Variants in CUL2 observed in about 807,000 individuals in gnomAD.
CUL2 encodes the protein cullin 2.
In CUL2, 22 loss-of-function variants were observed where a neutral mutation model predicts 110.2. The ratio of observed to expected loss-of-function variants is 0.20; its 90% confidence interval spans 0.14 to 0.28. CUL2 has a LOEUF of 0.28. Among genes scored for constraint, CUL2 ranks in the 10% least tolerant of loss-of-function variants. The pLI is 1.00. For missense variants in CUL2, 631 were observed against 905.5 expected (o/e 0.70, Z 3.89); for synonymous variants, 279 against 293.2 (o/e 0.95, Z 0.49).
chr10:35,091,918 G>A (rs190487750), upstream of CUL2, among the ~76,000 whole-genome samples: 10 of 151,710 alleles, frequency 6.6e-5, no homozygotes, highest in Middle Eastern at 3.4e-3. Context: ...CTGAGCCACC[G>A]TGTCAGGCCC....
chr10:35,089,813 C>CT (rs2087159098), intron 1 of CUL2: 1 of 78,914 alleles, frequency 1.3e-5, no homozygotes, highest in African/African-American at 3.3e-5. Context: ...ATGAGATGCC[C>CT]CCCCCCACAC....
chr10:35,048,691 AG>A (rs2086014047), intron 6 of CUL2, among the ~76,000 whole-genome samples: 1 of 152,214 alleles, frequency 6.6e-6, no homozygotes. Context: ...TTTCCTCTCC[AG>A]CTCTCTATCT....
At position 35,025,117 on chromosome 10, in the gene CUL2, T is replaced by C. The variant is rs1315567911; in HGVS notation, c.1684+15A>G. ...GTAAATTTCATTAAGCCAGATATAA[T>C]TAAATGCATTTTACCTGTACACAGA... On this transcript the variant is annotated intron_variant, in intron 17 of 20. Coordinates refer to ENST00000374749, the MANE Select transcript of CUL2 (RefSeq NM_003591.4). 6 of 1,487,446 alleles carry C rather than the reference T, an allele frequency of 4.0e-6. No individual in the cohort carries two copies. Among genetic ancestry groups the C allele is most frequent in the Non-Finnish European group, 5.3e-6 (6 of 1,121,648 alleles). 92.1% of individuals were successfully genotyped at this position (1,487,446 alleles called of 1,614,324 possible).
intron 18 of CUL2, among the ~76,000 whole-genome samples, chr10:35,014,365 A>T (rs1318672611): frequency 1.3e-5 from 2 of 152,198 alleles, no homozygotes; most frequent in Admixed American, 6.5e-5. Flanking sequence ...GCCTTTGCTC[A>T]GGGGAAAACT....
At chr10:35,015,640 A>C (rs1162772075) in intron 18 of CUL2, among the ~76,000 whole-genome samples, 2 of 152,220 alleles carry the variant, frequency 1.3e-5, no homozygotes, top group Non-Finnish European at 2.9e-5. Context: ...AAATCTTGTA[A>C]CTAGAAAAAA....
At chr10:35,012,598 A>G (rs562438963) in intron 19 of CUL2, among the ~76,000 whole-genome samples, 13 of 152,338 alleles carry the variant, frequency 8.5e-5, no homozygotes, top group African/African-American at 3.1e-4. Context: ...ACCATGCCAC[A>G]TTAAGAGGAT....
intron 4 of CUL2, among the ~76,000 whole-genome samples, chr10:35,058,072 G>A (rs550389989): frequency 9.2e-5 from 14 of 152,172 alleles, no homozygotes; most frequent in East Asian, 1.9e-4. Flanking sequence ...CACTCCAGCC[G>A]GGGAAACAGC....
In CUL2 at chr10:35,016,232, G is replaced by A; in HGVS notation, c.1847C>T (p.Ser616Leu). 6.2e-7 allele frequency: 1 copy of A among 1,613,950 alleles called. No homozygotes were observed. The highest frequency in any genetic ancestry group is 1.7e-5 in the Admixed American group (1 of 60,016). Residue 616 changes from serine to leucine, a missense_variant, in exon 18 of 21, where the codon TCA (serine) becomes TTA (leucine). Physicochemically the swap from Ser to Leu is moderately radical, Grantham distance 145. This residue lies in a region of CUL2 where 159 missense variants were observed against 202.7 expected (regional missense o/e 0.78). Transcript: ENST00000374749. The part of the protein sequence containing the change: ...NEKELTKTIK[S>L]LLDVKMINHD... Reference sequence around the variant, plus strand: ...GTTAATCATTTTCACATCAAGTAATGATTTGATTGTTTTTGTCAGTTCCTT... The same window carrying A: ...GTTAATCATTTTCACATCAAGTAATAATTTGATTGTTTTTGTCAGTTCCTT...
intron 4 of CUL2, among the ~76,000 whole-genome samples, chr10:35,055,749 TC>T (rs2086226461): frequency 1.3e-5 from 2 of 150,822 alleles, no homozygotes; most frequent in South Asian, 4.3e-4. Flanking sequence ...CTCTTTTTTT[TC>T]CCCTTTAAAA....
intron 14 of CUL2, among the ~76,000 whole-genome samples, chr10:35,029,883 T>A (rs1564705554): frequency 6.6e-6 from 1 of 152,170 alleles, no homozygotes; most frequent in Non-Finnish European, 1.5e-5. Context: ...ACAATAAATC[T>A]CCCCTTAAAC....
At chr10:35,047,525 G>A (rs1428469119) in intron 6 of CUL2, among the ~76,000 whole-genome samples, 6 of 150,600 alleles carry the variant, frequency 4.0e-5, no homozygotes, top group Non-Finnish European at 7.4e-5. Flanking sequence ...CAGAAGAATC[G>A]CTTGAACCCA....
At position 35,090,273 on chromosome 10, in the gene CUL2, AGGCGGC is replaced by A. The variant is rs1003020566; in HGVS notation, c.-123_-118del. Reference sequence around the variant, plus strand: ...AAGCCCCGGCGAGGAAGGTGGGCGGAGGCGGCGGCGGCGGCGGCTGTCAGCTCGCGT... The same window carrying A: ...AAGCCCCGGCGAGGAAGGTGGGCGGAGGCGGCGGCGGCTGTCAGCTCGCGT... On this transcript the variant is annotated 5_prime_UTR_variant, in exon 1 of 21. Coordinates refer to ENST00000374749, the MANE Select transcript of CUL2 (RefSeq NM_003591.4). 1.9e-5 allele frequency: 3 copies of A among 157,212 alleles called. No homozygotes were observed. The highest frequency in any genetic ancestry group is 3.7e-4 in the East Asian group (2 of 5,344). The allele number at this position is 157,212 out of a possible 1,614,324, so 9.7% of individuals were successfully genotyped here. A position where few individuals can be genotyped will look rare whatever the true frequency, so the allele number is the denominator to read the frequency against.
At chr10:35,075,890 A>G (rs953315099) in intron 1 of CUL2, among the ~76,000 whole-genome samples, 7 of 152,196 alleles carry the variant, frequency 4.6e-5, no homozygotes, top group African/African-American at 1.7e-4. Context: ...AAACGCAGCT[A>G]CCATATGACC....
chr10:35,033,351 T>C (rs922614869), intron 10 of CUL2, 78 bp from the exon 11 acceptor site: 5 of 950,090 alleles, frequency 5.3e-6, no homozygotes, highest in South Asian at 4.4e-5. Context: ...ATTAGACTTA[T>C]TAGTAAATTT....
chr10:35,079,418 G>A (rs779821352), intron 1 of CUL2, among the ~76,000 whole-genome samples: 41 of 152,144 alleles, frequency 2.7e-4, no homozygotes, highest in Admixed American at 2.0e-3. Flanking sequence ...GGTGTCATTC[G>A]TCTCTGGGGA....
chr10:35,088,499 C>CAAAAAA lies in CUL2; in HGVS notation c.-23+1674_-23+1679dup, dbSNP rs9299718. ...CTGGTGACAGAGCGAGACTCCGCCTCAAAAAAAAAAAAAAAAAAAAAAGAA... is the reference window on the plus strand; with the variant it reads ...CTGGTGACAGAGCGAGACTCCGCCTCAAAAAAAAAAAAAAAAAAAAAAAAAAAAGAA... On this transcript the variant is annotated intron_variant, in intron 1 of 20. Transcript: ENST00000374749. 5.7e-3 allele frequency among the ~76,000 whole-genome samples: 497 copies of CAAAAAA among 87,434 alleles called. 1 individual carries two copies. The highest frequency in any genetic ancestry group is 7.0e-3 in the Middle Eastern group (1 of 142). 57.4% of individuals were successfully genotyped at this position (87,434 alleles called of 152,430 possible). A position where few individuals can be genotyped will look rare whatever the true frequency, so the allele number is the denominator to read the frequency against.
Position 35,038,932 on chromosome 10 carries a change from C to A in CUL2, c.865G>T (p.Glu289Ter). Residue 289 changes from glutamate (E) to a stop codon, truncating the protein, a stop_gained, in exon 9 of 21, where the codon GAG (glutamate) becomes TAG (stop). Transcript: ENST00000374749. LOFTEE classifies it high-confidence loss of function. ...TGGTGTCACTTACCATTTTTTTTCTCTTGTCGAATTATATTATGACATTCT... is the reference window on the plus strand; with the variant it reads ...TGGTGTCACTTACCATTTTTTTTCTATTGTCGAATTATATTATGACATTCT... ...HAECHNIIRQ[E>*]KKNDMANMYV... The A allele has an allele frequency of 6.3e-7, 1 of 1,579,472 alleles. No homozygotes were observed. The highest frequency in any genetic ancestry group is 8.6e-7 in the Non-Finnish European group (1 of 1,164,534).
chr10:35,015,164 G>A (rs2084994847), intron 18 of CUL2, among the ~76,000 whole-genome samples: 2 of 151,616 alleles, frequency 1.3e-5, no homozygotes, highest in African/African-American at 4.8e-5. Context: ...ATGGTGGCAC[G>A]TGCCTGTAGT....
At chr10:35,126,808 AC>A (rs1218834007), upstream of CUL2, 1 of 151,366 alleles carries the variant, frequency 6.6e-6, no homozygotes. Context: ...CCGCCCCCTG[AC>A]CCGCACCTTC....
Sources: allele counts gnomAD v4.1 joint callset (sites outside exome capture counted in the v4.1 genomes callset), GRCh38; gene constraint gnomAD v4.1.1; regional missense constraint gnomAD v4.1.1; transcripts MANE v1.5; gene names NCBI Gene and HGNC (gene_info 2026-07-23, HGNC 2026-07-21).